TNNT2: variants seen among roughly 807,000 people sequenced by gnomAD.
The protein encoded by TNNT2 is troponin T, cardiac muscle.
A neutral mutation model predicts 62.4 loss-of-function variants in TNNT2; 34 were observed. The ratio of observed to expected loss-of-function variants is 0.54; its 90% CI spans 0.41 to 0.72. TNNT2 has a LOEUF of 0.72. Among genes scored for constraint, TNNT2 ranks in the 30% least tolerant of loss-of-function variants. TNNT2 has a pLI of 0.00. For synonymous variants in TNNT2, 123 were observed against 127.2 expected (o/e 0.97, Z 0.22); for missense variants, 275 against 381.9 (o/e 0.72, Z 2.33).
intron 1 of TNNT2, among the ~76,000 whole-genome samples, chr1:201,377,363 A>G (rs1232386505): frequency 1.3e-5 from 2 of 152,118 alleles, no homozygotes; most frequent in African/African-American, 4.8e-5. Flanking sequence ...TAAACTCTAC[A>G]TCTTTAGTGG....
intron 1 of TNNT2, among the ~76,000 whole-genome samples, chr1:201,377,299 T>C (rs992191571): frequency 6.6e-6 from 1 of 152,282 alleles, no homozygotes; most frequent in Non-Finnish European, 1.5e-5. Context: ...TTTAGCCCAC[T>C]CTACAGATGA....
At chr1:201,361,177 A>G in intron 15 of TNNT2, 102 bp downstream of exon 15, 1 of 1,126,120 alleles carries the variant, frequency 8.9e-7, no homozygotes. Context: ...CTGTTGGGGA[A>G]TAGGGACAGG....
Position 201,359,667 on chromosome 1 carries a change from C to T in TNNT2, c.811-4G>A, listed in dbSNP as rs1431082504. The T allele has an allele frequency of 1.2e-5, 19 of 1,587,802 alleles. No homozygotes were observed. Among genetic ancestry groups the T allele is most frequent in the Non-Finnish European group, 1.6e-5 (19 of 1,164,908 alleles). On this transcript the variant is annotated splice_region_variant and splice_polypyrimidine_tract_variant and intron_variant, in intron 15 of 16. Transcript: ENST00000656932. Reference sequence around the variant, plus strand: ...TCCTGTTTCGGAGAACATTGATCTGCAAGAAAAGTGGGAAGGACAAAGAGC... The same window carrying T: ...TCCTGTTTCGGAGAACATTGATCTGTAAGAAAAGTGGGAAGGACAAAGAGC...
intron 1 of TNNT2, among the ~76,000 whole-genome samples, chr1:201,375,783 A>G (rs1661312736): frequency 2.6e-5 from 4 of 152,218 alleles, no homozygotes; most frequent in Non-Finnish European, 1.5e-5. Context: ...GCCTGGGCGC[A>G]TAGCTTCTAG....
rs919598187 is a variant in TNNT2, at chr1:201,365,364, A to G, written c.295-57T>C. 6 of 1,484,796 alleles carry G rather than the reference A, an allele frequency of 4.0e-6. No homozygotes were observed. In the African/African-American group the frequency reaches 8.3e-5, roughly 21 times the overall value. The allele number at this position is 1,484,796 out of a possible 1,614,324, so 92.0% of individuals were successfully genotyped here. ...CCACTCCAAAGAGTCCAGAGGAGAGATGGGTGGGCTAGACACCCCCCAACG... is the reference window on the plus strand; with the variant it reads ...CCACTCCAAAGAGTCCAGAGGAGAGGTGGGTGGGCTAGACACCCCCCAACG... On this transcript the variant is annotated intron_variant, in intron 9 of 16. Transcript: ENST00000656932.
At chr1:201,368,536 A>G in intron 5 of TNNT2, 1 of 499,868 alleles carries the variant, frequency 2.0e-6, no homozygotes. Context: ...GCTCTGCTTA[A>G]GCCGAGGTGT....
intron 8 of TNNT2, chr1:201,365,954 G>A: frequency 7.7e-7 from 1 of 1,290,636 alleles, no homozygotes; most frequent in Non-Finnish European, 9.9e-7. Flanking sequence ...GGCTCAGGGA[G>A]GTAGAATGAC....
chr1:201,365,436 G>T, intron 9 of TNNT2, 129 bp from the exon 10 acceptor site: 1 of 1,187,334 alleles, frequency 8.4e-7, no homozygotes, highest in Non-Finnish European at 1.3e-6. Flanking sequence ...CCAGGGAAGG[G>T]GTAACTGTGG....
rs1251341467 is a variant in TNNT2, at chr1:201,368,221, T to G, written c.104A>C (p.Glu35Ala). ...TTCAGCATCCTCTTCCGCTGCCTCCTCCTGCTCTGGAGAAGTGAAGCAGAC... is the reference window on the plus strand; with the variant it reads ...TTCAGCATCCTCTTCCGCTGCCTCCGCCTGCTCTGGAGAAGTGAAGCAGAC... ...EDWREDEDEQ[E>A]EAAEEDAEAE... is the part of the protein sequence containing the mutation. Residue 35 changes from glutamate to alanine, a missense_variant, in exon 6 of 17, where the codon GAG (glutamate) becomes GCG (alanine). Transcript: ENST00000656932. 6.2e-7 allele frequency: 1 copy of G among 1,614,020 alleles called. No individual in the cohort carries two copies.
intron 2 of TNNT2, 32 bp from the exon 3 acceptor site, chr1:201,372,187 C>T (rs746295192): frequency 3.1e-5 from 50 of 1,613,902 alleles, no homozygotes; most frequent in South Asian, 2.6e-4. Flanking sequence ...GTCAGTAGCT[C>T]GCACACAAGC....
In TNNT2 at chr1:201,366,299, G is replaced by A. The variant is rs560405519; in HGVS notation, c.233+539C>T. ...GAAGAGCCTGTGAGTGGGCAGAGGT[G>A]CCATGGGTCAACCTCTGCTGGCAGG... On this transcript the variant is annotated intron_variant, in intron 8 of 16. Coordinates refer to ENST00000656932, the MANE Select transcript of TNNT2 (RefSeq NM_001276345.2). The A allele has an allele frequency of 4.9e-6, 5 of 1,024,156 alleles. No individual in the cohort carries two copies. The African/African-American group carries it at 8.5e-5, about 17-fold the overall frequency. 63.4% of individuals were successfully genotyped at this position (1,024,156 alleles called of 1,614,324 possible).
intron 13 of TNNT2, 113 bp downstream of exon 13, chr1:201,362,273 C>G (rs551271715): frequency 2.0e-6 from 3 of 1,532,656 alleles, no homozygotes; most frequent in African/African-American, 2.7e-5. Flanking sequence ...AGCTTCCCCC[C>G]TCCCCAGCCA....
At chr1:201,371,698 AG>A (rs965240330) in intron 4 of TNNT2, among the ~76,000 whole-genome samples, 4 of 152,006 alleles carry the variant, frequency 2.6e-5, no homozygotes, top group Admixed American at 1.3e-4. Flanking sequence ...TACCTTGGGC[AG>A]GGGGGGCCAT....
intron 1 of TNNT2, among the ~76,000 whole-genome samples, chr1:201,376,258 C>T (rs967040587): frequency 6.6e-6 from 1 of 152,144 alleles, no homozygotes; most frequent in Non-Finnish European, 1.5e-5. Flanking sequence ...GGCATACTGA[C>T]CTTGGGGTCA....
chr1:201,376,453 G>A (rs1661411505), intron 1 of TNNT2, among the ~76,000 whole-genome samples: 1 of 152,144 alleles, frequency 6.6e-6, no homozygotes, highest in Non-Finnish European at 1.5e-5. Context: ...ACTCGAATGG[G>A]ATTTTCCTAA....
At chr1:201,373,497 C>T (rs1291463722) in intron 1 of TNNT2, 1 of 586,152 alleles carries the variant, frequency 1.7e-6, no homozygotes, top group Admixed American at 2.7e-5. Flanking sequence ...GTTCCTTGCC[C>T]CTGAACAGGC....
In TNNT2 at chr1:201,359,152, G is replaced by T. The variant is rs1658107790; in HGVS notation, c.*58C>A. ...CCAGGAGGGCCCGGGAACTGGGGGA[G>T]TGCAGGCCGGAGGCAGGTGCGAGCG... On this transcript the variant is annotated 3_prime_UTR_variant, in exon 17 of 17. Transcript: ENST00000656932. 6.3e-7 allele frequency: 1 copy of T among 1,581,422 alleles called. No homozygotes were observed. Among genetic ancestry groups the T allele is most frequent in the Non-Finnish European group, 8.6e-7 (1 of 1,164,180 alleles).
intron 1 of TNNT2, among the ~76,000 whole-genome samples, chr1:201,375,778 G>A (rs1004429983): frequency 1.3e-5 from 2 of 152,206 alleles, no homozygotes; most frequent in Non-Finnish European, 2.9e-5. Context: ...GGCCAGCCTG[G>A]GCGCATAGCT....
chr1:201,372,084 G>A (rs1558248371), intron 3 of TNNT2, 43 bp from the exon 4 acceptor site: 2 of 1,613,990 alleles, frequency 1.2e-6, no homozygotes, highest in Non-Finnish European at 1.7e-6. Flanking sequence ...AGAGAGAAGA[G>A]GTGGGTCAGT....
Sources: allele counts gnomAD v4.1 joint callset (sites outside exome capture counted in the v4.1 genomes callset), GRCh38; gene constraint gnomAD v4.1.1; transcripts MANE v1.5; gene names NCBI Gene and HGNC (gene_info 2026-07-23, HGNC 2026-07-21).